The following NRG3 variants were observed in gnomAD, a reference collection of about 807,000 sequenced individuals.
NRG3 encodes neuregulin 3.
NRG3 carries 31 observed loss-of-function variants against 66.9 expected under a neutral mutation model. The ratio of observed to expected loss-of-function variants is 0.46; its 90% CI spans 0.35 to 0.63. NRG3 has a LOEUF of 0.63. NRG3 is among the 20% of genes least tolerant of loss of function. The pLI, the probability that NRG3 is intolerant of heterozygous loss-of-function variation, is 0.00. For missense variants in NRG3, 910 were observed against 878.9 expected, an observed-to-expected ratio of 1.04 and a Z score of -0.45; for synonymous variants, 393 against 359.4, an observed-to-expected ratio of 1.09 and a Z score of -1.06.
At chr10:82,606,673 AC>A (rs779142195) in intron 2 of NRG3, among the ~76,000 whole-genome samples, 26 of 152,254 alleles carry the variant, frequency 1.7e-4, no homozygotes, top group Non-Finnish European at 3.7e-4. Context: ...GTACACTTTG[AC>A]CCACTTCCCT....
At chr10:82,044,570 T>A (rs7069484) in intron 1 of NRG3, among the ~76,000 whole-genome samples, 92,560 of 151,800 alleles carry the variant, frequency 0.61, 29,629 homozygotes, top group South Asian at 0.82. Flanking sequence ...TAATTTTTTT[T>A]AATTTTTATT....
At chr10:81,942,285 A>G (rs1274324661) in intron 1 of NRG3, among the ~76,000 whole-genome samples, 1 of 152,104 alleles carries the variant, frequency 6.6e-6, no homozygotes, top group East Asian at 1.9e-4. Context: ...CTTGGAAAAA[A>G]GAGGTGGAAT....
intron 2 of NRG3, among the ~76,000 whole-genome samples, chr10:82,362,555 T>TG (rs1437132675): frequency 1.4e-5 from 2 of 143,018 alleles, no homozygotes; most frequent in Non-Finnish European, 3.0e-5. Context: ...TGGGTTTTTT[T>TG]TTTTTTTTTT....
At chr10:82,948,950 A>G (rs1316571296) in intron 4 of NRG3, among the ~76,000 whole-genome samples, 1 of 152,158 alleles carries the variant, frequency 6.6e-6, no homozygotes, top group Non-Finnish European at 1.5e-5. Context: ...AGTGTTGACC[A>G]GAAGGTATGA....
intron 1 of NRG3, among the ~76,000 whole-genome samples, chr10:82,316,332 A>T (rs2081294605): frequency 6.6e-6 from 1 of 152,206 alleles, no homozygotes; most frequent in Non-Finnish European, 1.5e-5. Context: ...ATTAACAATC[A>T]TAAATTAAGT....
intron 1 of NRG3, among the ~76,000 whole-genome samples, chr10:82,329,229 T>TA (rs1211718865): frequency 6.6e-6 from 1 of 152,148 alleles, no homozygotes; most frequent in Non-Finnish European, 1.5e-5. Context: ...TCAAACTTTT[T>TA]AAAAAAGAAT....
intron 1 of NRG3, among the ~76,000 whole-genome samples, chr10:82,106,969 T>C (rs1208537649): frequency 6.6e-6 from 1 of 152,186 alleles, no homozygotes; most frequent in Non-Finnish European, 1.5e-5. Context: ...TATTTCCTTC[T>C]CCACTTAAAG....
At chr10:82,626,913 C>CA (rs1420499477) in intron 2 of NRG3, among the ~76,000 whole-genome samples, 5 of 152,200 alleles carry the variant, frequency 3.3e-5, no homozygotes, top group African/African-American at 1.2e-4. Context: ...TATTTTCCTC[C>CA]TGCTCAAATC....
At chr10:81,935,915 A>C (rs1470339429) in intron 1 of NRG3, among the ~76,000 whole-genome samples, 3 of 148,548 alleles carry the variant, frequency 2.0e-5, no homozygotes, top group African/African-American at 7.6e-5. Context: ...ACACACACAC[A>C]CACACACACA....
intron 4 of NRG3, among the ~76,000 whole-genome samples, chr10:82,946,618 A>G (rs747131525): frequency 2.0e-5 from 3 of 152,144 alleles, no homozygotes; most frequent in Non-Finnish European, 2.9e-5. Context: ...CATAACAGAA[A>G]AAAAGGAGAG....
At chr10:82,652,726 G>A (rs1300872110) in intron 2 of NRG3, among the ~76,000 whole-genome samples, 1 of 152,160 alleles carries the variant, frequency 6.6e-6, no homozygotes, top group Non-Finnish European at 1.5e-5. Context: ...GCTTGAGGGT[G>A]GGGCTTTGAC....
At chr10:82,227,169 G>C (rs1212327784) in intron 1 of NRG3, among the ~76,000 whole-genome samples, 1 of 152,004 alleles carries the variant, frequency 6.6e-6, no homozygotes, top group Non-Finnish European at 1.5e-5. Context: ...GCTTGTACTT[G>C]GGCTGTTTGT....
intron 3 of NRG3, among the ~76,000 whole-genome samples, chr10:82,784,835 C>T (rs914138507): frequency 1.3e-5 from 2 of 152,034 alleles, no homozygotes; most frequent in Admixed American, 6.6e-5. Context: ...TACCATTTGA[C>T]CCAGCCATCC....
intron 1 of NRG3, among the ~76,000 whole-genome samples, chr10:82,065,553 C>A (rs1268197316): frequency 1.3e-5 from 2 of 151,824 alleles, no homozygotes; most frequent in Non-Finnish European, 2.9e-5. Flanking sequence ...GTCCCTGGCA[C>A]ATAGTACATG....
intron 1 of NRG3, among the ~76,000 whole-genome samples, chr10:81,914,929 T>C (rs1845533421): frequency 6.6e-6 from 1 of 152,186 alleles, no homozygotes; most frequent in African/African-American, 2.4e-5. Flanking sequence ...TCAAATAAGA[T>C]ATGAAAGTAC....
intron 1 of NRG3, among the ~76,000 whole-genome samples, chr10:82,241,398 C>A (rs902607918): frequency 6.6e-6 from 1 of 151,894 alleles, no homozygotes; most frequent in Non-Finnish European, 1.5e-5. Flanking sequence ...CAAGGGGTAT[C>A]TTTTGTGCCT....
chr10:82,484,239 A>G (rs774632171), intron 2 of NRG3, among the ~76,000 whole-genome samples: 2 of 152,220 alleles, frequency 1.3e-5, no homozygotes, highest in East Asian at 3.9e-4. Flanking sequence ...TTTGTGTACT[A>G]CAGTGGGTGA....
chr10:82,473,521 T>G (rs1841470718), intron 2 of NRG3, among the ~76,000 whole-genome samples: 1 of 152,120 alleles, frequency 6.6e-6, no homozygotes, highest in Non-Finnish European at 1.5e-5. Flanking sequence ...AAAATAACTT[T>G]GTAGGGACTC....
chr10:82,407,708 T>C (rs2087629855), intron 2 of NRG3, among the ~76,000 whole-genome samples: 1 of 152,138 alleles, frequency 6.6e-6, no homozygotes, highest in African/African-American at 2.4e-5. Context: ...GCAATCTGAA[T>C]GGAGCTAGAC....
Sources: allele counts gnomAD v4.1 joint callset (sites outside exome capture counted in the v4.1 genomes callset), GRCh38; gene constraint gnomAD v4.1.1; transcripts MANE v1.5; gene names NCBI Gene and HGNC (gene_info 2026-07-23, HGNC 2026-07-21).